The following ZBTB20 variants were observed in gnomAD, a reference collection of about 807,000 sequenced individuals.
ZBTB20 encodes zinc finger and BTB domain containing 20.
In ZBTB20, 9 loss-of-function variants were observed where a neutral mutation model predicts 56.9. The ratio of observed to expected loss-of-function variants is 0.16; its 90% confidence interval spans 0.10 to 0.28. ZBTB20 has a LOEUF of 0.28. ZBTB20 is among the 10% of genes least tolerant of loss of function. The probability of loss-of-function intolerance (pLI) is 1.00; values close to 1 mark genes in which losing one functional copy is unlikely to be tolerated. For synonymous variants in ZBTB20, 417 were observed against 420.7 expected (o/e 0.99, Z 0.11); for missense variants, 655 against 1,003.0 (o/e 0.65, Z 4.69).
chr3:114,403,979 A>G (rs1179731248), intron 7 of ZBTB20, among the ~76,000 whole-genome samples: 5 of 152,144 alleles, frequency 3.3e-5, no homozygotes, highest in Non-Finnish European at 1.5e-5. Context: ...TCCAGTAATA[A>G]CATTTGATGA....
intron 6 of ZBTB20, among the ~76,000 whole-genome samples, chr3:114,618,868 C>A (rs1002111537): frequency 3.3e-5 from 5 of 152,192 alleles, no homozygotes; most frequent in African/African-American, 1.2e-4. Context: ...TACAATTTTG[C>A]TTCCTCTTGA....
chr3:115,127,223 C>T (rs1049887166), intron 1 of ZBTB20, among the ~76,000 whole-genome samples: 3 of 152,094 alleles, frequency 2.0e-5, no homozygotes, highest in African/African-American at 4.8e-5. Context: ...CAACAATAAA[C>T]GTCAAGCCTT....
chr3:114,787,293 A>C (rs1335097446), intron 5 of ZBTB20, among the ~76,000 whole-genome samples: 3 of 147,002 alleles, frequency 2.0e-5, no homozygotes, highest in Admixed American at 6.8e-5. Flanking sequence ...ATGAGTCTTA[A>C]TGCATCAAGC....
At chr3:114,505,910 A>G (rs1005415829) in intron 6 of ZBTB20, among the ~76,000 whole-genome samples, 4 of 152,128 alleles carry the variant, frequency 2.6e-5, no homozygotes, top group Non-Finnish European at 5.9e-5. Flanking sequence ...ATTTAATGAC[A>G]TTTCATGCAT....
intron 6 of ZBTB20, among the ~76,000 whole-genome samples, chr3:114,648,245 T>C (rs1279487869): frequency 1.3e-5 from 2 of 151,918 alleles, no homozygotes; most frequent in Admixed American, 1.3e-4. Flanking sequence ...GTATTTTAAA[T>C]ATCATTAATA....
intron 6 of ZBTB20, among the ~76,000 whole-genome samples, chr3:114,621,864 C>T (rs2058347011): frequency 6.6e-6 from 1 of 152,072 alleles, no homozygotes; most frequent in Non-Finnish European, 1.5e-5. Flanking sequence ...CATCGTCTTG[C>T]CTTTGTATCA....
intron 4 of ZBTB20, among the ~76,000 whole-genome samples, chr3:114,863,644 C>A (rs954248011): frequency 6.6e-6 from 1 of 152,056 alleles, no homozygotes. Flanking sequence ...CAAAACATAA[C>A]TTACCAAAGT....
At chr3:114,527,166 T>A (rs1003002741) in intron 6 of ZBTB20, 2 of 151,912 alleles carry the variant, frequency 1.3e-5, no homozygotes, top group African/African-American at 4.8e-5. Flanking sequence ...TTAAAAAAAA[T>A]AAAAATTTAA....
chr3:114,446,450 C>A (rs530868387), intron 7 of ZBTB20, among the ~76,000 whole-genome samples: 13 of 152,216 alleles, frequency 8.5e-5, no homozygotes, highest in African/African-American at 3.1e-4. Flanking sequence ...AAGTTTTGCA[C>A]TGCTTAAATT....
At chr3:115,091,958 G>T (rs2108576142) in intron 1 of ZBTB20, among the ~76,000 whole-genome samples, 1 of 152,206 alleles carries the variant, frequency 6.6e-6, no homozygotes, top group East Asian at 1.9e-4. Flanking sequence ...CTGTGGGAAT[G>T]TGAAAGAAGG....
intron 7 of ZBTB20, among the ~76,000 whole-genome samples, chr3:114,417,998 T>A (rs2088753524): frequency 6.6e-6 from 1 of 152,020 alleles, no homozygotes; most frequent in Non-Finnish European, 1.5e-5. Context: ...ATAATCAAGG[T>A]ACGCCCACCT....
chr3:114,512,865 T>C (rs543517962), intron 6 of ZBTB20, among the ~76,000 whole-genome samples: 20 of 152,140 alleles, frequency 1.3e-4, no homozygotes, highest in South Asian at 6.2e-4. Context: ...CTCCCAGACG[T>C]AGTACTCACT....
intron 6 of ZBTB20, among the ~76,000 whole-genome samples, chr3:114,667,900 C>T (rs1192600371): frequency 1.3e-5 from 2 of 151,884 alleles, no homozygotes; most frequent in Non-Finnish European, 2.9e-5. Flanking sequence ...GGCCCACATG[C>T]TCACAAGCAA....
chr3:114,445,430 C>CT (rs1396301304), intron 7 of ZBTB20: 11 of 152,308 alleles, frequency 7.2e-5, no homozygotes, highest in Admixed American at 5.2e-4. Flanking sequence ...TGAGTTCACT[C>CT]TTACTGATGT....
chr3:115,096,664 G>C (rs1206125903), intron 1 of ZBTB20, among the ~76,000 whole-genome samples: 1 of 152,158 alleles, frequency 6.6e-6, no homozygotes, highest in Non-Finnish European at 1.5e-5. Context: ...CCAGATGTTG[G>C]GGTAACACGT....
At chr3:115,012,162 C>T (rs911462424) in intron 2 of ZBTB20, among the ~76,000 whole-genome samples, 1 of 151,366 alleles carries the variant, frequency 6.6e-6, no homozygotes, top group Non-Finnish European at 1.5e-5. Flanking sequence ...AAGAGAAGAC[C>T]ACAAAACAAC....
chr3:114,762,672 T>C (rs1457753459), intron 5 of ZBTB20, among the ~76,000 whole-genome samples: 1 of 152,188 alleles, frequency 6.6e-6, no homozygotes, highest in African/African-American at 2.4e-5. Flanking sequence ...GATGAGTTAA[T>C]GAGCATCCGT....
chr3:114,319,615 A>C lies in ZBTB20; in HGVS notation c.*19390T>G, dbSNP rs1011728306. On this transcript the variant is annotated 3_prime_UTR_variant, in exon 12 of 12. Transcript: ENST00000675478. ...TGACGAAGGGAGATCAGGTTTCAAG[A>C]TTGGATTCAAGAGCTTCTTTAGCAT... The C allele has an allele frequency of 2.0e-5, 3 of 152,138 alleles. No homozygotes were observed. The highest frequency in any genetic ancestry group is 7.2e-5 in the African/African-American group (3 of 41,418). The allele number at this position is 152,138 out of a possible 1,614,324, so 9.4% of individuals were successfully genotyped here.
intron 6 of ZBTB20, among the ~76,000 whole-genome samples, chr3:114,523,021 CTT>C (rs1443009646): frequency 6.6e-6 from 1 of 152,038 alleles, no homozygotes. Flanking sequence ...AAGAGAAGAG[CTT>C]CAAAGATTGA....
Sources: allele counts gnomAD v4.1 joint callset (sites outside exome capture counted in the v4.1 genomes callset), GRCh38; gene constraint gnomAD v4.1.1; transcripts MANE v1.5; gene names NCBI Gene and HGNC (gene_info 2026-07-23, HGNC 2026-07-21).